The following CDH20 variants were observed in gnomAD, a reference collection of about 807,000 sequenced individuals.
CDH20 encodes the protein cadherin 20, also known as cadherin-20.
In CDH20, 29 loss-of-function variants were observed where a neutral mutation model predicts 74.2. The ratio of observed to expected loss-of-function variants is 0.39; its 90% CI spans 0.29 to 0.53. The LOEUF is 0.53. Among genes scored for constraint, CDH20 ranks in the 20% least tolerant of loss-of-function variants. CDH20 has a pLI of 0.69. For synonymous variants in CDH20, 469 were observed against 405.4 expected (o/e 1.16, Z -1.88); for missense variants, 988 against 1,048.3 (o/e 0.94, Z 0.79).
Position 61,554,693 on chromosome 18 carries a change from T to C in CDH20, c.2404T>C (p.Ter802ArgextTer53). The change falls in exon 12 of 12, where the codon TGA (stop) becomes CGA (arginine). Residue 802 changes from the stop codon to arginine, a stop_lost. Coordinates refer to ENST00000262717, the MANE Select transcript of CDH20 (RefSeq NM_031891.4). ...GASEGPAPLW[*>R] ...GTCGGAGGGACCCGCGCCGCTGTGGTGACGGAAGCCAGGAGGCAGGCGCGC... is the reference window on the plus strand; with the variant it reads ...GTCGGAGGGACCCGCGCCGCTGTGGCGACGGAAGCCAGGAGGCAGGCGCGC... 6.4e-7 allele frequency: 1 copy of C among 1,560,258 alleles called. No individual in the cohort carries two copies. Among genetic ancestry groups the C allele is most frequent in the Non-Finnish European group, 8.7e-7 (1 of 1,152,196 alleles).
chr18:61,457,037 G>A (rs1018141565), intron 1 of CDH20, among the ~76,000 whole-genome samples: 1 of 152,154 alleles, frequency 6.6e-6, no homozygotes, highest in African/African-American at 2.4e-5. Context: ...AACATTCAGT[G>A]CATGAATGCA....
chr18:61,435,593 C>T (rs1289046086), intron 1 of CDH20, among the ~76,000 whole-genome samples: 1 of 151,850 alleles, frequency 6.6e-6, no homozygotes, highest in Non-Finnish European at 1.5e-5. Context: ...AGGAGGGATG[C>T]CATTATCCCA....
At chr18:61,427,165 C>T (rs41331751) in intron 1 of CDH20, among the ~76,000 whole-genome samples, 14,401 of 152,116 alleles carry the variant, frequency 0.095, 855 homozygotes, top group East Asian at 0.23. Flanking sequence ...CCGTTCACTT[C>T]CCTAAGTCTG....
chr18:61,496,219 C>T (rs1175550422), intron 2 of CDH20, among the ~76,000 whole-genome samples: 2 of 76,354 alleles, frequency 2.6e-5, no homozygotes, highest in African/African-American at 9.9e-5. Context: ...TATCCCTCTC[C>T]CTCCCTTTCC....
At chr18:61,399,901 C>T (rs1007179835) in intron 1 of CDH20, among the ~76,000 whole-genome samples, 7 of 152,100 alleles carry the variant, frequency 4.6e-5, no homozygotes, top group South Asian at 2.1e-4. Flanking sequence ...CCATTGATTC[C>T]GTGTATTATT....
chr18:61,428,650 G>A (rs536458844), intron 1 of CDH20, among the ~76,000 whole-genome samples: 13 of 152,048 alleles, frequency 8.5e-5, no homozygotes, highest in African/African-American at 2.9e-4. Context: ...CATTTCCTTT[G>A]TATAAAACTC....
At chr18:61,446,893 A>T (rs1909220892) in intron 1 of CDH20, among the ~76,000 whole-genome samples, 1 of 152,216 alleles carries the variant, frequency 6.6e-6, no homozygotes, top group African/African-American at 2.4e-5. Context: ...TAGCACAGCA[A>T]ACCAAGTTGC....
chr18:61,398,761 T>C (rs1912066711), intron 1 of CDH20, among the ~76,000 whole-genome samples: 2 of 152,136 alleles, frequency 1.3e-5, no homozygotes, highest in African/African-American at 4.8e-5. Context: ...CAGGAATCAA[T>C]GGCATTGTCA....
Position 61,490,759 on chromosome 18 carries a change from T to C in CDH20, c.206T>C (p.Leu69Pro). The C allele has an allele frequency of 6.2e-7, 1 of 1,614,182 alleles. No individual in the cohort carries two copies. Among genetic ancestry groups the C allele is most frequent in the Non-Finnish European group, 8.5e-7 (1 of 1,180,026 alleles). ...TGGGTTTGGAACCAGTTTTTCGTTC[T>C]GGAAGAGTACACTGGGACCGACCCT... ...RSWVWNQFFVLEEYTGTDPLY... is the reference protein window; with the variant it reads ...RSWVWNQFFVPEEYTGTDPLY... Residue 69 changes from leucine to proline, a missense_variant, in exon 2 of 12, where the codon CTG becomes CCG. Coordinates refer to ENST00000262717, the MANE Select transcript of CDH20 (RefSeq NM_031891.4).
chr18:61,553,551 C>T (rs563229964), intron 11 of CDH20, among the ~76,000 whole-genome samples: 1 of 152,268 alleles, frequency 6.6e-6, no homozygotes, highest in African/African-American at 2.4e-5. Context: ...AAGCCACAAC[C>T]ACCTCTTTAA....
chr18:61,443,438 A>G (rs746950469), intron 1 of CDH20, among the ~76,000 whole-genome samples: 2 of 152,114 alleles, frequency 1.3e-5, no homozygotes, highest in African/African-American at 2.4e-5. Context: ...AAATATTTAT[A>G]TTTTCAAGTG....
In CDH20 at chr18:61,518,678, A is replaced by G. The variant is rs537569797; in HGVS notation, c.1018-9289A>G. 1.1e-3 allele frequency among the ~76,000 whole-genome samples: 168 copies of G among 151,552 alleles called. 12 individuals carry two copies. The highest frequency in any genetic ancestry group is 4.0e-3 in the African/African-American group (162 of 40,936). On this transcript the variant is annotated intron_variant, in intron 6 of 11. Transcript: ENST00000262717. ...AAGATGAGGAAAAAACAGCACAAAA[A>G]GGCTGAAAATTCCAAAAACCAGAAT...
At chr18:61,403,936 A>G (rs1044030801) in intron 1 of CDH20, among the ~76,000 whole-genome samples, 1 of 152,214 alleles carries the variant, frequency 6.6e-6, no homozygotes, top group Non-Finnish European at 1.5e-5. Context: ...TTGCAGGGAC[A>G]TGGATGGAGG....
chr18:61,479,216 CA>C (rs35232545), intron 1 of CDH20, among the ~76,000 whole-genome samples: 16 of 151,584 alleles, frequency 1.1e-4, no homozygotes, highest in Admixed American at 9.2e-4. Flanking sequence ...TTGCATGGGC[CA>C]AAAAAAAACC....
chr18:61,549,032 G>T (rs1913344120), intron 10 of CDH20, among the ~76,000 whole-genome samples: 1 of 152,112 alleles, frequency 6.6e-6, no homozygotes, highest in Non-Finnish European at 1.5e-5. Flanking sequence ...TGTGTTGGTG[G>T]TATTAGCTTT....
intron 9 of CDH20, 117 bp from the exon 10 acceptor site, chr18:61,544,908 TGA>T: frequency 1.4e-6 from 1 of 706,968 alleles, no homozygotes; most frequent in Non-Finnish European, 2.6e-6. Flanking sequence ...CCCATACCAA[TGA>T]TATCCTTCTC....
At chr18:61,460,324 C>T (rs1909723942) in intron 1 of CDH20, among the ~76,000 whole-genome samples, 1 of 152,166 alleles carries the variant, frequency 6.6e-6, no homozygotes, top group Admixed American at 6.5e-5. Context: ...TTGGAATGAA[C>T]TCCTTTGGGT....
intron 1 of CDH20, among the ~76,000 whole-genome samples, chr18:61,341,424 C>A (rs200957423): frequency 2.1e-4 from 3 of 14,578 alleles, no homozygotes; most frequent in African/African-American, 3.5e-4. Flanking sequence ...TGCCTTGAGC[C>A]CCCCCCCCGC....
chr18:61,496,275 T>C (rs747346558), intron 2 of CDH20, among the ~76,000 whole-genome samples: 3 of 123,298 alleles, frequency 2.4e-5, no homozygotes, highest in Non-Finnish European at 3.4e-5. Context: ...TCCCTTCCTT[T>C]CCCTTCCCTC....
Sources: gnomAD v4.1 joint callset for allele counts (sites outside exome capture counted in the v4.1 genomes callset) on GRCh38, gnomAD v4.1.1 for gene constraint, MANE v1.5 for transcripts, NCBI Gene and HGNC (gene_info 2026-07-23, HGNC 2026-07-21) for gene names.